The following PFKM variants were observed in gnomAD, a reference collection of about 807,000 sequenced individuals.
PFKM encodes the protein phosphofructokinase, muscle.
Under a neutral mutation model 95.5 loss-of-function variants are expected in PFKM, and 58 were observed. The observed-to-expected ratio is 0.61, with a 90% CI of 0.49 to 0.76. The LOEUF (loss-of-function observed/expected upper bound fraction) is 0.76, where lower values mean the gene tolerates loss of function less well. PFKM is among the 30% of genes least tolerant of loss of function. The probability of loss-of-function intolerance (pLI) is 0.00; values close to 1 mark genes in which losing one functional copy is unlikely to be tolerated. For synonymous variants in PFKM, 336 were observed against 357.2 expected (o/e 0.94, Z 0.67); for missense variants, 678 against 1,005.4 (o/e 0.67, Z 4.40).
chr12:48,135,213 G>A, intron 9 of PFKM, 78 bp from the exon 10 acceptor site: 1 of 1,320,556 alleles, frequency 7.6e-7, no homozygotes, highest in Non-Finnish European at 1.1e-6. Flanking sequence ...AGCTGTCCAT[G>A]GTTTACCCAA....
Position 48,133,010 on chromosome 12 carries a change from C to G in PFKM, c.380C>G (p.Thr127Ser). The change falls in exon 5 of 23, where the codon ACC (threonine) becomes AGC (serine). Residue 127 changes from threonine (T) to serine (S), a missense_variant. By Grantham distance (58) the Thr-to-Ser change is moderately conservative. Coordinates refer to ENST00000359794, the MANE Select transcript of PFKM (RefSeq NM_000289.6). ...GGDGSLTGAD[T>S]FRSEWSDLLS... ...GATGGCAGCCTCACTGGGGCTGACACCTTCCGTTCTGAGTGGAGTGACTTG... is the reference window on the plus strand; with the variant it reads ...GATGGCAGCCTCACTGGGGCTGACAGCTTCCGTTCTGAGTGGAGTGACTTG... The G allele has an allele frequency of 6.2e-7, 1 of 1,614,172 alleles. No homozygotes were observed. Among genetic ancestry groups the G allele is most frequent in the South Asian group, 1.1e-5 (1 of 91,084 alleles).
rs189923100 is a variant in PFKM at position 48,109,409 on chromosome 12, T to C, written c.205+1215T>C. On this transcript the variant is annotated intron_variant, in intron 3 of 24. Coordinates refer to the PFKM transcript ENST00000340802. ...TTCTTCCTTTTGCAACTGTTTGTGG[T>C]CTACATCCCTTTAATCAGACTTCCT... 1.2e-3 allele frequency among the ~76,000 whole-genome samples: 177 copies of C among 152,098 alleles called. 1 individual carries two copies. Among genetic ancestry groups the C allele is most frequent in the African/African-American group, 4.0e-3 (168 of 41,494 alleles).
At chr12:48,120,936 A>C (rs1263651978) in intron 1 of PFKM, among the ~76,000 whole-genome samples, 2 of 152,156 alleles carry the variant, frequency 1.3e-5, no homozygotes, top group Non-Finnish European at 2.9e-5. Flanking sequence ...GGATCACCTG[A>C]AGTCAGGAGT....
chr12:48,122,592 A>G, intron 1 of PFKM, 175 bp from the exon 2 acceptor site: 1 of 1,459,404 alleles, frequency 6.9e-7, no homozygotes. Flanking sequence ...TTGTCAGTCT[A>G]CAAGGGTGTG....
chr12:48,140,975 TCTC>T, intron 14 of PFKM, 104 bp downstream of exon 14: 2 of 1,225,992 alleles, frequency 1.6e-6, no homozygotes, highest in Non-Finnish European at 1.2e-6. Flanking sequence ...ACTACCTCTC[TCTC>T]CTCTCTCAGG....
At chr12:48,132,378 G>A (rs1592723010) in intron 4 of PFKM, among the ~76,000 whole-genome samples, 1 of 152,186 alleles carries the variant, frequency 6.6e-6, no homozygotes, top group Admixed American at 6.5e-5. Flanking sequence ...GGAGCTAAGG[G>A]GAAAGGATTG....
At chr12:48,132,809 G>A (rs1949652326) in intron 4 of PFKM, 59 bp from the exon 5 acceptor site, 1 of 1,403,876 alleles carries the variant, frequency 7.1e-7, no homozygotes, top group Admixed American at 1.9e-5. Flanking sequence ...ATTGGAATAG[G>A]GGATATCTCA....
intron 2 of PFKM, among the ~76,000 whole-genome samples, chr12:48,126,150 C>T (rs1050514536): frequency 5.9e-5 from 9 of 152,100 alleles, no homozygotes; most frequent in African/African-American, 1.4e-4. Context: ...TCTTATCCTT[C>T]GTCTTGCTTC....
At chr12:48,140,628 C>T (rs1428777723) in intron 13 of PFKM, 94 bp from the exon 14 acceptor site, 10 of 1,209,326 alleles carry the variant, frequency 8.3e-6, no homozygotes, top group Non-Finnish European at 1.1e-5. Context: ...CCCTGGATGA[C>T]AAGGGCTTAG....
At position 48,132,577 on chromosome 12, in the gene PFKM, A is replaced by G. The variant is rs10875748; in HGVS notation, c.238-291A>G. Among the ~76,000 whole-genome samples the G allele has an allele frequency of 0.17, 26,449 of 152,290 alleles. 2,553 individuals are homozygous for G. Among genetic ancestry groups the G allele is most frequent in the East Asian group, 0.24 (1,255 of 5,182 alleles). ...TGGAGATTATTTGAGAAGCCAACAT[A>G]CATGTATGTATTCACTTGTTCTCTT... On this transcript the variant is annotated intron_variant, in intron 4 of 22. Transcript: ENST00000359794.
chr12:48,120,640 C>A (rs574645047), intron 1 of PFKM, among the ~76,000 whole-genome samples: 2 of 152,320 alleles, frequency 1.3e-5, no homozygotes, highest in South Asian at 2.1e-4. Context: ...CATGATAATA[C>A]GTGAATGAAC....
Position 48,133,324 on chromosome 12 carries a change from C to T in PFKM, c.437C>T (p.Thr146Ile), listed in dbSNP as rs1949717282. The T allele has an allele frequency of 6.2e-7, 1 of 1,613,950 alleles. No homozygotes were observed. Among genetic ancestry groups the T allele is most frequent in the Non-Finnish European group, 8.5e-7 (1 of 1,179,946 alleles). ...TGCTTCTCATTGTCAGGTAAGATCA[C>T]AGATGAGGAGGCTACGAAGTCCAGC... ...LSDLQKAGKI[T>I]DEEATKSSYL... The change falls in exon 6 of 23, where the codon ACA becomes ATA. Residue 146 changes from threonine (T) to isoleucine (I), a missense_variant. Thr to Ile is a moderately conservative substitution (Grantham distance 89, BLOSUM62 -1). Transcript: ENST00000359794.
chr12:48,130,228 G>T, intron 2 of PFKM, 135 bp from the exon 3 acceptor site: 1 of 758,482 alleles, frequency 1.3e-6, no homozygotes, highest in South Asian at 1.4e-5. Context: ...TTGATGAGAG[G>T]ATTATTCTAG....
chr12:48,120,838 C>T (rs562594487), intron 1 of PFKM, among the ~76,000 whole-genome samples: 19 of 152,264 alleles, frequency 1.2e-4, no homozygotes, highest in African/African-American at 4.3e-4. Flanking sequence ...CTTATCAGTG[C>T]GTACGAAACT....
chr12:48,124,797 TG>T (rs1948652597), intron 2 of PFKM, among the ~76,000 whole-genome samples: 1 of 152,136 alleles, frequency 6.6e-6, no homozygotes, highest in Admixed American at 6.5e-5. Flanking sequence ...TGAAATTCTA[TG>T]GAGGCAAGGA....
chr12:48,107,135 G>A (rs758525732), intron 1 of PFKM, among the ~76,000 whole-genome samples: 5 of 152,142 alleles, frequency 3.3e-5, no homozygotes, highest in Non-Finnish European at 7.4e-5. Flanking sequence ...GGCAGTTTCT[G>A]GAGGCCCCCA....
intron 4 of PFKM, chr12:48,132,126 G>A: frequency 2.2e-6 from 1 of 454,246 alleles, no homozygotes; most frequent in Middle Eastern, 3.3e-4. Flanking sequence ...CTGAGAATGA[G>A]CCAGAATTCT....
At chr12:48,141,534 A>G (rs1232954782) in intron 15 of PFKM, 153 bp downstream of exon 15, 9 of 772,956 alleles carry the variant, frequency 1.2e-5, no homozygotes, top group Non-Finnish European at 2.1e-5. Flanking sequence ...AGACATGCCC[A>G]TCTCAACATC....
chr12:48,118,450 C>T (rs1195951556), upstream of PFKM: 6 of 1,102,916 alleles, frequency 5.4e-6, no homozygotes, highest in African/African-American at 1.6e-5. Context: ...GTTTTATCTC[C>T]TAGTCACTTG....
Sources: gnomAD v4.1 joint callset for allele counts (sites outside exome capture counted in the v4.1 genomes callset) on GRCh38, gnomAD v4.1.1 for gene constraint, MANE v1.5 for transcripts, NCBI Gene and HGNC (gene_info 2026-07-23, HGNC 2026-07-21) for gene names.